The following SAMSN1 variants were observed in gnomAD, a reference collection of about 807,000 sequenced individuals.
SAMSN1 encodes the protein SAM domain-containing protein SAMSN-1.
SAMSN1 carries 31 observed loss-of-function variants against 42.0 expected under a neutral mutation model. The observed-to-expected ratio is 0.74, with a 90% confidence interval of 0.55 to 1.00. The LOEUF is 1.00. Among genes scored for constraint, SAMSN1 ranks in the 50% least tolerant of loss-of-function variants. The pLI is 0.00. For missense variants in SAMSN1, 464 were observed against 439.4 expected (o/e 1.06, Z -0.50); for synonymous variants, 178 against 151.9 (o/e 1.17, Z -1.26).
intron 4 of SAMSN1, among the ~76,000 whole-genome samples, chr21:14,611,031 T>C (rs369900396): frequency 6.6e-6 from 1 of 152,146 alleles, no homozygotes; most frequent in South Asian, 2.1e-4. Context: ...GCCATAGCTA[T>C]CCTCCTGCCT....
chr21:14,537,810 G>A (rs941565580), intron 1 of SAMSN1, among the ~76,000 whole-genome samples: 1 of 152,148 alleles, frequency 6.6e-6, no homozygotes, highest in African/African-American at 2.4e-5. Context: ...CAGAACTGCT[G>A]AGTATCTTGT....
chr21:14,587,719 A>AT (rs957882603), upstream of SAMSN1, among the ~76,000 whole-genome samples: 145 of 148,414 alleles, frequency 9.8e-4, 1 homozygote, highest in African/African-American at 3.1e-3. Context: ...ATTTAAAACA[A>AT]TTTTTTTGTT....
chr21:14,495,418 C>T (rs1431434358), intron 7 of SAMSN1, among the ~76,000 whole-genome samples: 2 of 152,160 alleles, frequency 1.3e-5, no homozygotes, highest in Non-Finnish European at 2.9e-5. Context: ...AGCTTTCAGT[C>T]AGAATAGCCT....
intron 2 of SAMSN1, among the ~76,000 whole-genome samples, chr21:14,621,735 G>A (rs1282144475): frequency 6.6e-6 from 1 of 152,212 alleles, no homozygotes; most frequent in Non-Finnish European, 1.5e-5. Flanking sequence ...AGAAACCTCT[G>A]CAGACTTAAA....
At chr21:14,585,718 G>C (rs932642531), upstream of SAMSN1, among the ~76,000 whole-genome samples, 3 of 152,014 alleles carry the variant, frequency 2.0e-5, no homozygotes, top group Admixed American at 6.6e-5. Flanking sequence ...TATGTGCCTA[G>C]GATTGTACAT....
intron 1 of SAMSN1, among the ~76,000 whole-genome samples, chr21:14,539,627 C>T (rs1441920869): frequency 2.0e-5 from 3 of 151,738 alleles, no homozygotes; most frequent in African/African-American, 4.9e-5. Context: ...CAAACCATTG[C>T]TCAATGAAAT....
chr21:14,636,445 T>C (rs536473360), intron 2 of SAMSN1, among the ~76,000 whole-genome samples: 5 of 152,254 alleles, frequency 3.3e-5, no homozygotes, highest in African/African-American at 7.2e-5. Context: ...GACTACTACT[T>C]GGGATCCAGA....
chr21:14,610,620 C>T (rs1372968748), intron 4 of SAMSN1, among the ~76,000 whole-genome samples: 6 of 152,172 alleles, frequency 3.9e-5, no homozygotes, highest in East Asian at 1.9e-4. Context: ...AACCTGCTGA[C>T]GTGTGATGTC....
chr21:14,546,282 A>G lies in SAMSN1; in HGVS notation c.-21T>C, dbSNP rs1244014326. Reference sequence around the variant, plus strand: ...AGCATTTTGAATTCTGACTACTCCTAGTGAGTGCACTTTCTGCTGTTACAG... The same window carrying G: ...AGCATTTTGAATTCTGACTACTCCTGGTGAGTGCACTTTCTGCTGTTACAG... On this transcript the variant is annotated 5_prime_UTR_variant, in exon 1 of 8. Coordinates refer to ENST00000400566, the MANE Select transcript of SAMSN1 (RefSeq NM_022136.5). 6.2e-7 allele frequency: 1 copy of G among 1,612,706 alleles called. No individual in the cohort carries two copies. The highest frequency in any genetic ancestry group is 1.3e-5 in the African/African-American group (1 of 74,846).
intron 1 of SAMSN1, among the ~76,000 whole-genome samples, chr21:14,524,084 T>C (rs1978675370): frequency 6.6e-6 from 1 of 152,186 alleles, no homozygotes; most frequent in Non-Finnish European, 1.5e-5. Context: ...TAACTAACTT[T>C]CTCAGATGGT....
At chr21:14,585,325 G>A (rs1280563900), upstream of SAMSN1, 1 of 151,820 alleles carries the variant, frequency 6.6e-6, no homozygotes, top group East Asian at 1.9e-4. Context: ...TTTTTTCTTT[G>A]TTGTGCTTCT....
At chr21:14,536,813 G>A (rs762059250) in intron 1 of SAMSN1, among the ~76,000 whole-genome samples, 2 of 152,124 alleles carry the variant, frequency 1.3e-5, no homozygotes, top group African/African-American at 4.8e-5. Context: ...GAATGGGACC[G>A]GACAGTGGAA....
At chr21:14,622,412 T>C (rs1324413041) in intron 2 of SAMSN1, among the ~76,000 whole-genome samples, 1 of 152,172 alleles carries the variant, frequency 6.6e-6, no homozygotes, top group Non-Finnish European at 1.5e-5. Context: ...ATAACCAGTG[T>C]AGAGAAGTCC....
rs577049481 is a variant in SAMSN1 at position 14,566,939 on chromosome 21, G to A, written c.261+15197C>T. Among the ~76,000 whole-genome samples the A allele has an allele frequency of 7.2e-5, 11 of 152,024 alleles. No homozygotes were observed. The South Asian group carries it at 2.1e-3, about 29-fold the overall frequency. ...CTATTGTCATGGTTCAAACATCTTAGGATATAGAGATCATGACCAAACAAT... is the reference window on the plus strand; with the variant it reads ...CTATTGTCATGGTTCAAACATCTTAAGATATAGAGATCATGACCAAACAAT... On this transcript the variant is annotated intron_variant, in intron 2 of 8. Coordinates refer to the SAMSN1 transcript ENST00000285670.
chr21:14,593,026 T>C (rs1018568961), intron 7 of SAMSN1, among the ~76,000 whole-genome samples: 1 of 152,094 alleles, frequency 6.6e-6, no homozygotes, highest in Non-Finnish European at 1.5e-5. Flanking sequence ...GGAACAGAAG[T>C]AATATTTAAA....
chr21:14,617,373 G>T (rs1982867010), intron 2 of SAMSN1, among the ~76,000 whole-genome samples: 2 of 152,162 alleles, frequency 1.3e-5, no homozygotes, highest in African/African-American at 4.8e-5. Context: ...CCAAACCTCA[G>T]ATTAGAAGCT....
chr21:14,577,558 T>C (rs1210766326), intron 2 of SAMSN1, among the ~76,000 whole-genome samples: 1 of 152,062 alleles, frequency 6.6e-6, no homozygotes, highest in Non-Finnish European at 1.5e-5. Flanking sequence ...TATCCTTTCT[T>C]ACCCTCATTC....
chr21:14,657,875 T>C (rs879281821), intron 1 of SAMSN1, among the ~76,000 whole-genome samples: 22 of 151,932 alleles, frequency 1.4e-4, no homozygotes, highest in Admixed American at 8.6e-4. Context: ...GCCTCCTGTT[T>C]AGGTATTACA....
intron 2 of SAMSN1, chr21:14,582,071 TG>T: frequency 7.3e-7 from 1 of 1,375,986 alleles, no homozygotes; most frequent in Non-Finnish European, 9.7e-7. Context: ...TTTTGCTATC[TG>T]TTTCTTTCCC....
Sources: gnomAD v4.1 joint callset for allele counts (sites outside exome capture counted in the v4.1 genomes callset) on GRCh38, gnomAD v4.1.1 for gene constraint, MANE v1.5 for transcripts, NCBI Gene and HGNC (gene_info 2026-07-23, HGNC 2026-07-21) for gene names.